The following GPC5 variants were observed in gnomAD, a reference collection of about 807,000 sequenced individuals.
GPC5 encodes glypican-5.
Under a neutral mutation model 53.9 loss-of-function variants are expected in GPC5, and 47 were observed. That is an observed-to-expected ratio of 0.87 (90% CI 0.69 to 1.11). GPC5 has a LOEUF of 1.11. Ranked by LOEUF, GPC5 falls within the 50% of genes most tolerant of loss-of-function variation. The pLI, the probability that GPC5 is intolerant of heterozygous loss-of-function variation, is 0.00. For synonymous variants in GPC5, 286 were observed against 263.3 expected (o/e 1.09, Z -0.84); for missense variants, 748 against 713.1 (o/e 1.05, Z -0.56).
At chr13:91,604,143 C>G (rs2033276747) in intron 2 of GPC5, among the ~76,000 whole-genome samples, 1 of 146,034 alleles carries the variant, frequency 6.8e-6, no homozygotes, top group African/African-American at 2.6e-5. Context: ...TGATATTCCC[C>G]TTCCTGTGTC....
intron 7 of GPC5, among the ~76,000 whole-genome samples, chr13:92,607,878 C>T (rs1884307091): frequency 6.6e-6 from 1 of 152,116 alleles, no homozygotes; most frequent in South Asian, 2.1e-4. Context: ...GATTCTCTTC[C>T]ACCTCTGCCT....
intron 7 of GPC5, among the ~76,000 whole-genome samples, chr13:92,170,548 C>T (rs1360012616): frequency 1.3e-5 from 2 of 150,238 alleles, no homozygotes; most frequent in African/African-American, 2.5e-5. Context: ...GCCTCAGCCT[C>T]CTGAGTGGCT....
rs181489087 is a variant in GPC5, at chr13:92,799,224, C to T, written c.1562-67058C>T. Among the ~76,000 whole-genome samples, 170 of 151,750 alleles carry T rather than the reference C, an allele frequency of 1.1e-3. 1 individual carries two copies. Among genetic ancestry groups the T allele is most frequent in the African/African-American group, 4.0e-3 (167 of 41,456 alleles). ...GTTAATTTCACATACTCTGAAATGC[C>T]TGTTATCCAGAAAACATTCCTTTCA... On this transcript the variant is annotated intron_variant, in intron 7 of 7. Transcript: ENST00000377067.
At chr13:91,692,009 G>T (rs369317229) in intron 2 of GPC5, among the ~76,000 whole-genome samples, 3 of 152,022 alleles carry the variant, frequency 2.0e-5, no homozygotes, top group Non-Finnish European at 4.4e-5. Flanking sequence ...ATATATCCAA[G>T]GTGTTTACTG....
At chr13:92,202,001 T>C (rs527666285) in intron 7 of GPC5, among the ~76,000 whole-genome samples, 1 of 152,310 alleles carries the variant, frequency 6.6e-6, no homozygotes, top group South Asian at 2.1e-4. Flanking sequence ...CACCAACTAA[T>C]TGTGCTGTCT....
At chr13:91,401,505 TC>T (rs1780845572) in intron 1 of GPC5, among the ~76,000 whole-genome samples, 1 of 152,216 alleles carries the variant, frequency 6.6e-6, no homozygotes, top group African/African-American at 2.4e-5. Context: ...AATAGTAATA[TC>T]TTTTAACAAA....
At chr13:92,793,856 G>C (rs553606380) in intron 7 of GPC5, among the ~76,000 whole-genome samples, 37 of 152,184 alleles carry the variant, frequency 2.4e-4, no homozygotes, top group South Asian at 2.1e-3. Context: ...TCCCTGAATA[G>C]ACCAATAACA....
At chr13:91,703,845 A>G (rs924776653) in intron 3 of GPC5, among the ~76,000 whole-genome samples, 2 of 152,070 alleles carry the variant, frequency 1.3e-5, no homozygotes, top group African/African-American at 4.8e-5. Context: ...GTCTATTCAG[A>G]TTCTCTACTT....
chr13:91,847,133 G>T (rs1406962454), intron 5 of GPC5, among the ~76,000 whole-genome samples: 14 of 151,312 alleles, frequency 9.3e-5, no homozygotes, highest in Non-Finnish European at 1.5e-5. Flanking sequence ...GCAGGAGAAT[G>T]GTGTGAACCC....
chr13:92,103,539 G>GT (rs2041483135), intron 6 of GPC5, among the ~76,000 whole-genome samples: 2 of 151,938 alleles, frequency 1.3e-5, no homozygotes, highest in South Asian at 2.1e-4. Context: ...TTTTCCTTCA[G>GT]TTTTTTGCAA....
intron 6 of GPC5, among the ~76,000 whole-genome samples, chr13:92,035,834 T>C (rs2040888851): frequency 6.6e-6 from 1 of 151,578 alleles, no homozygotes; most frequent in Non-Finnish European, 1.5e-5. Flanking sequence ...CCTGCAGAGA[T>C]CTGAGCTCAA....
At chr13:91,431,284 T>C (rs1223890162) in intron 1 of GPC5, among the ~76,000 whole-genome samples, 3 of 152,168 alleles carry the variant, frequency 2.0e-5, no homozygotes, top group Non-Finnish European at 2.9e-5. Flanking sequence ...TCAAAACCAC[T>C]CTGCCTCCCC....
chr13:91,513,903 A>G (rs140867727), intron 2 of GPC5, among the ~76,000 whole-genome samples: 7 of 152,310 alleles, frequency 4.6e-5, no homozygotes, highest in East Asian at 1.9e-4. Flanking sequence ...GAATGGAATC[A>G]TGTAGTATGT....
intron 6 of GPC5, among the ~76,000 whole-genome samples, chr13:92,133,507 A>G (rs1249736516): frequency 2.0e-5 from 3 of 152,216 alleles, no homozygotes; most frequent in Non-Finnish European, 4.4e-5. Context: ...GGAATTTGCA[A>G]TCCTTCACAG....
intron 7 of GPC5, among the ~76,000 whole-genome samples, chr13:92,788,614 G>T (rs914435342): frequency 1.4e-4 from 21 of 152,278 alleles, no homozygotes; most frequent in African/African-American, 4.8e-4. Flanking sequence ...GTTTGTGGAA[G>T]TATTTTGTTA....
chr13:92,743,771 A>C (rs1889170212), intron 7 of GPC5, among the ~76,000 whole-genome samples: 1 of 152,110 alleles, frequency 6.6e-6, no homozygotes, highest in Admixed American at 6.6e-5. Flanking sequence ...TCAATACCTA[A>C]TTTATTGAGA....
chr13:92,826,949 TTTCAA>T (rs1483329131), intron 7 of GPC5, among the ~76,000 whole-genome samples: 2 of 152,154 alleles, frequency 1.3e-5, no homozygotes, highest in African/African-American at 4.8e-5. Context: ...ATCATAGACA[TTTCAA>T]GTATCTTTTC....
intron 3 of GPC5, among the ~76,000 whole-genome samples, chr13:91,723,595 T>G (rs977789813): frequency 5.3e-5 from 8 of 152,128 alleles, no homozygotes; most frequent in African/African-American, 1.9e-4. Flanking sequence ...GAGCTTTAAC[T>G]TCTTCATTCT....
rs1296563502 is a variant in GPC5, at chr13:91,423,215, GTA to G, written c.163+24009_163+24010del. ...ACATTACTGAATCAGACTTGAAATG[GTA>G]TAGTGTACTGGTTAAGTGCATGAGT... is the stretch of plus-strand genomic sequence containing the variant. On this transcript the variant is annotated intron_variant, in intron 1 of 7. Coordinates refer to ENST00000377067, the MANE Select transcript of GPC5 (RefSeq NM_004466.6). 2.0e-5 allele frequency among the ~76,000 whole-genome samples: 3 copies of G among 152,246 alleles called. No homozygotes were observed. The South Asian group carries it at 6.2e-4, about 32-fold the overall frequency.
Sources: gnomAD v4.1 joint callset for allele counts (sites outside exome capture counted in the v4.1 genomes callset) on GRCh38, gnomAD v4.1.1 for gene constraint, MANE v1.5 for transcripts, NCBI Gene and HGNC (gene_info 2026-07-23, HGNC 2026-07-21) for gene names.